SLC43A2: variants seen among roughly 807,000 people sequenced by gnomAD.
SLC43A2 encodes solute carrier family 43 member 2.
Under a neutral mutation model 63.2 loss-of-function variants are expected in SLC43A2, and 38 were observed. The observed-to-expected ratio is 0.60, with a 90% confidence interval of 0.46 to 0.79. The LOEUF (loss-of-function observed/expected upper bound fraction) is 0.79, where lower values mean the gene tolerates loss of function less well. SLC43A2 is among the 30% of genes least tolerant of loss of function. SLC43A2 has a pLI of 0.00. For synonymous variants in SLC43A2, 322 were observed against 331.0 expected, an observed-to-expected ratio of 0.97 and a Z score of 0.30; for missense variants, 644 against 756.2, an observed-to-expected ratio of 0.85 and a Z score of 1.74.
At chr17:1,602,873 C>T (rs1220562406) in intron 5 of SLC43A2, among the ~76,000 whole-genome samples, 1 of 151,058 alleles carries the variant, frequency 6.6e-6, no homozygotes. Flanking sequence ...ATTCTCCTGC[C>T]TCAGCCTCCC....
In SLC43A2 at chr17:1,606,721, T is replaced by TC. The variant is rs919449486; in HGVS notation, c.501+6473dup. Among the ~76,000 whole-genome samples the TC allele has an allele frequency of 1.3e-5, 2 of 152,000 alleles. No homozygotes were observed. The highest frequency in any genetic ancestry group is 4.8e-5 in the African/African-American group (2 of 41,380). ...AAACACTGAGCGTGCCGTCCAGATG[T>TC]CCCGGGGGAGGCTGAGGATCCACAC... On this transcript the variant is annotated intron_variant, in intron 5 of 13. Transcript: ENST00000301335. This position sits in a 1 kb window ranked among gnomAD's most constrained non-coding sequence, Gnocchi z 4.7.
At chr17:1,589,147 C>T (rs1233437029) in intron 9 of SLC43A2, among the ~76,000 whole-genome samples, 1 of 152,228 alleles carries the variant, frequency 6.6e-6, no homozygotes, top group Non-Finnish European at 1.5e-5. Context: ...TTGAAATTGA[C>T]TTTTTGAACA....
Position 1,591,415 on chromosome 17 carries a change from A to G in SLC43A2, c.785T>C (p.Phe262Ser), listed in dbSNP as rs1197259046. 6.2e-7 allele frequency: 1 copy of G among 1,613,170 alleles called. No individual in the cohort carries two copies. The highest frequency in any genetic ancestry group is 8.5e-7 in the Non-Finnish European group (1 of 1,179,940). ...GFDHKITGKQ[F>S]YKQVTTVGRR... ...GCCCACCGTGGTCACCTGCTTGTAG[A>G]ACTGCTTCCCTGTGATCTTGTGGTC... The change falls in exon 8 of 14, where the codon TTC (phenylalanine) becomes TCC (serine). Residue 262 changes from phenylalanine to serine, a missense_variant. By Grantham distance (155) the Phe-to-Ser change is radical. Around this residue, in one of 3 missense-constraint regions of SLC43A2, gnomAD observed 528 missense variants for 623.6 expected, o/e 0.85. Transcript: ENST00000301335.
In SLC43A2 at chr17:1,593,848, C is replaced by G. The variant is rs933003593; in HGVS notation, c.502-569G>C. ...GGATTCCTGCTTCTGAATTTCTTTTCTTTGTTTTGAGATGGGGTTTTGCTC... is the reference window on the plus strand; with the variant it reads ...GGATTCCTGCTTCTGAATTTCTTTTGTTTGTTTTGAGATGGGGTTTTGCTC... On this transcript the variant is annotated intron_variant, in intron 5 of 13. Coordinates refer to ENST00000301335, the MANE Select transcript of SLC43A2 (RefSeq NM_152346.3). The surrounding 1 kb of genome is among the most constrained non-coding windows in gnomAD (Gnocchi z 5.3). Among the ~76,000 whole-genome samples the G allele has an allele frequency of 2.6e-5, 4 of 151,882 alleles. No individual in the cohort carries two copies. Among genetic ancestry groups the G allele is most frequent in the South Asian group, 4.2e-4 (2 of 4,802 alleles).
At chr17:1,575,979 C>T (rs1285813908) in intron 13 of SLC43A2, among the ~76,000 whole-genome samples, 1 of 152,078 alleles carries the variant, frequency 6.6e-6, no homozygotes, top group Non-Finnish European at 1.5e-5. Flanking sequence ...CCAGGAAACA[C>T]GGGCTGATCT....
Position 1,622,646 on chromosome 17 carries a change from G to A in SLC43A2, c.160+5069C>T, listed in dbSNP as rs549854121. Among the ~76,000 whole-genome samples, 130 of 152,226 alleles carry A rather than the reference G, an allele frequency of 8.5e-4. 2 individuals carry two copies. The highest frequency in any genetic ancestry group is 3.0e-3 in the African/African-American group (125 of 41,516). On this transcript the variant is annotated intron_variant, in intron 2 of 13. Coordinates refer to ENST00000301335, the MANE Select transcript of SLC43A2 (RefSeq NM_152346.3). ...AGAGGCCCTTGAGCTGGGCGCAGTG[G>A]CTCACGCCTGTAATCCCAGCACTTT...
rs1445666454 is a variant in SLC43A2, at chr17:1,590,848, A to G, written c.1032T>C (p.Ala344=). 6.4e-7 allele frequency: 1 copy of G among 1,556,160 alleles called. No homozygotes were observed. The highest frequency in any genetic ancestry group is 1.4e-5 in the African/African-American group (1 of 73,890). Reference sequence around the variant, plus strand: ...CCAGGAACTTGAGGATGTTGTTCATAGCCCCCATGTAGAAGATGAGCCGCA... The same window carrying G: ...CCAGGAACTTGAGGATGTTGTTCATGGCCCCCATGTAGAAGATGAGCCGCA... The part of the protein sequence containing the change: ...TQLRLIFYMG[A]MNNILKFLVS... Residue 344 remains alanine (A), a synonymous_variant, in exon 9 of 14, where the codon GCT becomes GCC. Transcript: ENST00000301335.
chr17:1,605,292 G>T lies in SLC43A2; in HGVS notation c.501+7903C>A. The stretch of plus-strand genomic sequence containing the variant: ...CAGGCCGGACTGTGTGACCTTCCCA[G>T]AGGGGAAAACAGCAGCTGCAGGCGG... On this transcript the variant is annotated intron_variant, in intron 5 of 13. Transcript: ENST00000301335. The surrounding 1 kb of genome is among the most constrained non-coding windows in gnomAD (Gnocchi z 4.9). 1 of 986,444 alleles carries T rather than the reference G, an allele frequency of 1.0e-6. No homozygotes were observed. Among genetic ancestry groups the T allele is most frequent in the African/African-American group, 1.7e-5 (1 of 57,604 alleles). 61.1% of individuals were successfully genotyped at this position (986,444 alleles called of 1,614,324 possible). A position where few individuals can be genotyped will look rare whatever the true frequency, so the allele number is the denominator to read the frequency against.
In SLC43A2 at chr17:1,580,412, C is replaced by A. The variant is rs112777629; in HGVS notation, c.1351-2089G>T. ...GCACTGAGCAAGAGGTTGCTGACCACGGCCTCGAGCTGCCTTTGCCCACCT... is the reference window on the plus strand; with the variant it reads ...GCACTGAGCAAGAGGTTGCTGACCAAGGCCTCGAGCTGCCTTTGCCCACCT... On this transcript the variant is annotated intron_variant, in intron 11 of 13. Transcript: ENST00000301335. 5.8e-3 allele frequency among the ~76,000 whole-genome samples: 887 copies of A among 152,360 alleles called. 10 individuals are homozygous for A. Among genetic ancestry groups the A allele is most frequent in the African/African-American group, 0.02 (820 of 41,590 alleles).
chr17:1,581,372 C>G (rs955044572), intron 11 of SLC43A2, among the ~76,000 whole-genome samples: 9 of 152,378 alleles, frequency 5.9e-5, no homozygotes, highest in Middle Eastern at 3.4e-3. Context: ...GTCTGCCAGT[C>G]TTGCAGAGAA....
At chr17:1,587,099 G>GCACTGCGTTTCCCT in intron 9 of SLC43A2, 1 of 1,030,942 alleles carries the variant, frequency 9.7e-7, no homozygotes, top group Non-Finnish European at 1.4e-6. Flanking sequence ...TGCGTTTCCC[G>GCACTGCGTTTCCCT]CACTGCATTT....
rs1043318048 is a variant in SLC43A2 at position 1,593,908 on chromosome 17, C to T, written c.502-629G>A. Reference sequence around the variant, plus strand: ...AGGCTGGAGCGCAGTGGTGTGAGCTCGGCTCGTTGCAACCTCCGCCTCCCT... The same window carrying T: ...AGGCTGGAGCGCAGTGGTGTGAGCTTGGCTCGTTGCAACCTCCGCCTCCCT... On this transcript the variant is annotated intron_variant, in intron 5 of 13. Coordinates refer to ENST00000301335, the MANE Select transcript of SLC43A2 (RefSeq NM_152346.3). This position sits in a 1 kb window ranked among gnomAD's most constrained non-coding sequence, Gnocchi z 5.3. Among the ~76,000 whole-genome samples the T allele has an allele frequency of 2.7e-4, 41 of 152,124 alleles. No individual in the cohort carries two copies. The highest frequency in any genetic ancestry group is 9.4e-4 in the African/African-American group (39 of 41,508).
Position 1,574,179 on chromosome 17 carries a change from A to G in SLC43A2, c.*1425T>C, listed in dbSNP as rs2075887348. On this transcript the variant is annotated 3_prime_UTR_variant, in exon 14 of 14. Transcript: ENST00000301335. The stretch of plus-strand genomic sequence containing the variant: ...GAAAATCGGTAGAGGAGGGTGGCTC[A>G]CACTTCTAAGATGTCTGCACAAGCC... 1 of 152,350 alleles carries G rather than the reference A, an allele frequency of 6.6e-6. No individual in the cohort carries two copies. The highest frequency in any genetic ancestry group is 1.5e-5 in the Non-Finnish European group (1 of 68,154). The allele number at this position is 152,350 out of a possible 1,614,324, so 9.4% of individuals were successfully genotyped here. A position where few individuals can be genotyped will look rare whatever the true frequency, so the allele number is the denominator to read the frequency against.
At chr17:1,586,274 G>T (rs149483824) in intron 9 of SLC43A2, among the ~76,000 whole-genome samples, 29 of 152,280 alleles carry the variant, frequency 1.9e-4, no homozygotes, top group South Asian at 4.1e-4. Flanking sequence ...TCCCCTGCTT[G>T]TTTCTAAGAA....
chr17:1,585,544 C>A (rs1415463765), intron 10 of SLC43A2: 1 of 643,366 alleles, frequency 1.6e-6, no homozygotes, highest in Non-Finnish European at 2.3e-6. Context: ...CCCTCCCTGG[C>A]CAATTTTTAA....
chr17:1,569,258 C>G (rs972587815), downstream of SLC43A2: 3 of 152,314 alleles, frequency 2.0e-5, no homozygotes, highest in Non-Finnish European at 4.4e-5. Context: ...AAGGAGGAAG[C>G]CGCTCGCAGT....
intron 2 of SLC43A2, 52 bp downstream of exon 2, chr17:1,627,660 CCCT>C: frequency 6.2e-6 from 5 of 812,640 alleles, no homozygotes; most frequent in Non-Finnish European, 8.8e-6. Flanking sequence ...CCATCCCGCC[CCCT>C]CCCAAAGCCC....
intron 2 of SLC43A2, among the ~76,000 whole-genome samples, chr17:1,625,969 A>G (rs1481619361): frequency 6.6e-6 from 1 of 151,082 alleles, no homozygotes; most frequent in Admixed American, 6.7e-5. Flanking sequence ...AATTCTGCCA[A>G]AACCATACAA....
chr17:1,602,110 C>A (rs781687068), intron 5 of SLC43A2, among the ~76,000 whole-genome samples: 2 of 152,188 alleles, frequency 1.3e-5, no homozygotes, highest in Admixed American at 6.5e-5. Flanking sequence ...CCTGAAGGTG[C>A]GTGTGGGTCG....
Sources: gnomAD v4.1 joint callset for allele counts (sites outside exome capture counted in the v4.1 genomes callset) on GRCh38, gnomAD v4.1.1 for gene constraint, gnomAD v4.1.1 regional missense constraint, Gnocchi (gnomAD v3.1) non-coding constraint, MANE v1.5 for transcripts, NCBI Gene and HGNC (gene_info 2026-07-23, HGNC 2026-07-21) for gene names.